GPX4: variants seen among roughly 807,000 people sequenced by gnomAD.
GPX4 encodes phospholipid hydroperoxide glutathione peroxidase GPX4.
Under a neutral mutation model 27.8 loss-of-function variants are expected in GPX4, and 28 were observed. The observed-to-expected ratio is 1.01, with a 90% CI of 0.75 to 1.38. The LOEUF is 1.38. GPX4 is among the 40% of genes most tolerant of loss of function. The pLI, the probability that GPX4 is intolerant of heterozygous loss-of-function variation, is 0.00. For missense variants in GPX4, 357 were observed against 274.1 expected (o/e 1.30, Z -2.14); for synonymous variants, 163 against 107.8 (o/e 1.51, Z -3.17).
intron 4 of GPX4, 184 bp from the exon 5 acceptor site, chr19:1,106,058 G>GACCTGCCCCACTATTTCTAGCTCCACAA: frequency 1.4e-6 from 1 of 693,470 alleles, no homozygotes; most frequent in Admixed American, 2.9e-5. Flanking sequence ...GGCCTGTGGG[G>GACCTGCCCCACTATTTCTAGCTCCACAA]GGCTGTTGGG....
At chr19:1,105,833 C>A in intron 4 of GPX4, 24 bp downstream of exon 4, 2 of 429,342 alleles carry the variant, frequency 4.7e-6, no homozygotes, top group Non-Finnish European at 8.2e-6. Flanking sequence ...GGGGACAGTA[C>A]GGCTGCTGGG....
In GPX4 at chr19:1,106,669, C is replaced by T; in HGVS notation, c.*97C>T. ...CCTGCCTGCAAACCTGCTGGTGGGG[C>T]AGACCCGAAAATCCAGCGTGCACCC... On this transcript the variant is annotated 3_prime_UTR_variant, in exon 7 of 7. Coordinates refer to ENST00000354171, the MANE Select transcript of GPX4 (RefSeq NM_002085.5). The T allele has an allele frequency of 1.9e-6, 3 of 1,540,022 alleles. No homozygotes were observed. Among genetic ancestry groups the T allele is most frequent in the Non-Finnish European group, 2.7e-6 (3 of 1,131,564 alleles).
intron 1 of GPX4, chr19:1,104,378 C>G (rs1200106102): frequency 4.7e-6 from 2 of 422,134 alleles, no homozygotes; most frequent in Admixed American, 4.6e-5. Context: ...GTTCCACGCG[C>G]GCGGGTCGTG....
At position 1,105,394 on chromosome 19, in the gene GPX4, G is replaced by C; in HGVS notation, c.208G>C (p.Ala70Pro). Residue 70 changes from alanine to proline, a missense_variant, in exon 3 of 7, where the codon GCC (alanine) becomes CCC (proline). Ala to Pro is a conservative substitution (Grantham distance 27). Transcript: ENST00000354171. ...RGFVCIVTNVASQUGKTEVNY... is the reference protein window; with the variant it reads ...RGFVCIVTNVPSQUGKTEVNY... ...CTTCGTGTGCATCGTCACCAACGTG[G>C]CCTCCCAGTGAGGCAAGACCGAAGT... The C allele has an allele frequency of 6.2e-7, 1 of 1,610,650 alleles. No homozygotes were observed. The highest frequency in any genetic ancestry group is 8.5e-7 in the Non-Finnish European group (1 of 1,178,138).
chr19:1,106,740 C>G lies in GPX4; in HGVS notation c.*168C>G. The G allele has an allele frequency of 1.3e-6, 1 of 768,654 alleles. No homozygotes were observed. Among genetic ancestry groups the G allele is most frequent in the Middle Eastern group, 3.0e-4 (1 of 3,306 alleles). 47.6% of individuals were successfully genotyped at this position (768,654 alleles called of 1,614,324 possible). ...GCCTGCTGGGCTTGGCTCGGCGCCCCCACCCCTGGCTACCTTGTGGGAATA... is the reference window on the plus strand; with the variant it reads ...GCCTGCTGGGCTTGGCTCGGCGCCCGCACCCCTGGCTACCTTGTGGGAATA... On this transcript the variant is annotated 3_prime_UTR_variant, in exon 7 of 7. Coordinates refer to ENST00000354171, the MANE Select transcript of GPX4 (RefSeq NM_002085.5).
chr19:1,105,639 C>T lies in GPX4; in HGVS notation c.325-19C>T. On this transcript the variant is annotated intron_variant, in intron 3 of 6. Coordinates refer to ENST00000354171, the MANE Select transcript of GPX4 (RefSeq NM_002085.5). ...GGGGTGCCAGCCCCCGACTCACTCACACACCTTGGCCGCCACAGGAGCCAG... is the reference window on the plus strand; with the variant it reads ...GGGGTGCCAGCCCCCGACTCACTCATACACCTTGGCCGCCACAGGAGCCAG... 4 of 1,611,186 alleles carry T rather than the reference C, an allele frequency of 2.5e-6. No homozygotes were observed. Among genetic ancestry groups the T allele is most frequent in the Non-Finnish European group, 3.4e-6 (4 of 1,178,952 alleles).
At chr19:1,106,150 A>C in intron 4 of GPX4, 92 bp from the exon 5 acceptor site, 3 of 1,187,520 alleles carry the variant, frequency 2.5e-6, no homozygotes, top group Non-Finnish European at 3.5e-6. Context: ...CAGCCGGGGA[A>C]GCTCACACCC....
chr19:1,104,411 C>T, intron 1 of GPX4: 1 of 401,914 alleles, frequency 2.5e-6, no homozygotes, highest in Non-Finnish European at 4.3e-6. Context: ...GCCGTCCAGG[C>T]CGTTGCAGGC....
chr19:1,106,717 C>A lies in GPX4; in HGVS notation c.*145C>A, dbSNP rs541229619. 7.2e-5 allele frequency: 81 copies of A among 1,118,092 alleles called. No individual in the cohort carries two copies. The African/African-American group carries it at 1.2e-3, about 17-fold the overall frequency. The allele number at this position is 1,118,092 out of a possible 1,614,324, so 69.3% of individuals were successfully genotyped here. ...CCCCGCCGGAGGAAGGTCCCATGGC[C>A]TGCTGGGCTTGGCTCGGCGCCCCCA... On this transcript the variant is annotated 3_prime_UTR_variant, in exon 7 of 7. Coordinates refer to ENST00000354171, the MANE Select transcript of GPX4 (RefSeq NM_002085.5).
intron 3 of GPX4, 51 bp from the exon 4 acceptor site, chr19:1,105,607 G>C (rs560512083): frequency 1.2e-5 from 20 of 1,600,148 alleles, no homozygotes; most frequent in Non-Finnish European, 1.5e-5. Flanking sequence ...AGGGGGCCCG[G>C]ACTGAGGGGG....
At position 1,104,078 on chromosome 19, in the gene GPX4, C is replaced by G. The variant is rs945018469; in HGVS notation, c.35C>G (p.Pro12Arg). The G allele has an allele frequency of 6.6e-6, 10 of 1,518,582 alleles. No homozygotes were observed. The highest frequency in any genetic ancestry group is 2.3e-4 in the Middle Eastern group (1 of 4,342). 94.1% of individuals were successfully genotyped at this position (1,518,582 alleles called of 1,614,324 possible). A position where few individuals can be genotyped will look rare whatever the true frequency, so the allele number is the denominator to read the frequency against. Residue 12 changes from proline to arginine, a missense_variant, in exon 1 of 7, where the codon CCG becomes CGG. Transcript: ENST00000354171. ...GGCCGCCTTTGCCGCCTACTGAAGCCGGCGCTGCTCTGTGGGGCTCTGGCC... is the reference window on the plus strand; with the variant it reads ...GGCCGCCTTTGCCGCCTACTGAAGCGGGCGCTGCTCTGTGGGGCTCTGGCC... Reference protein sequence around the residue: ...SLGRLCRLLKPALLCGALAAP... With the variant: ...SLGRLCRLLKRALLCGALAAP...
chr19:1,106,186 C>T (rs1448869562), intron 4 of GPX4, 56 bp from the exon 5 acceptor site: 7 of 1,523,446 alleles, frequency 4.6e-6, no homozygotes, highest in Non-Finnish European at 6.2e-6. Context: ...GACAGGACAG[C>T]TTGGGGACTG....
At chr19:1,105,014 G>T in intron 1 of GPX4, 172 bp from the exon 2 acceptor site, 1 of 1,461,788 alleles carries the variant, frequency 6.8e-7, no homozygotes, top group East Asian at 2.5e-5. Flanking sequence ...CGGTAAAACC[G>T]GACCAGAAGT....
chr19:1,106,044 C>T (rs555583226), intron 4 of GPX4, 198 bp from the exon 5 acceptor site: 63 of 614,740 alleles, frequency 1.0e-4, no homozygotes, highest in African/African-American at 9.3e-4. Context: ...CAGGATGGCT[C>T]GGGGGCCTGT....
intron 1 of GPX4, chr19:1,104,630 C>T (rs2079625964): frequency 2.0e-6 from 2 of 985,128 alleles, no homozygotes; most frequent in Admixed American, 6.2e-5. Flanking sequence ...TGGCCTAGCG[C>T]GGTGGCGTCA....
Position 1,104,258 on chromosome 19 carries a change from C to T in GPX4, c.84+131C>T, listed in dbSNP as rs1173464800. ...GGTGGGGGGCGTCTGGGGGCTCCCC[C>T]TCCCCACCCCCGGCCGGGCACGGAC... On this transcript the variant is annotated intron_variant, in intron 1 of 6. Transcript: ENST00000354171. The T allele has an allele frequency of 7.6e-6, 6 of 786,762 alleles. No individual in the cohort carries two copies. In the Admixed American group the frequency reaches 1.3e-4, roughly 17 times the overall value. The allele number at this position is 786,762 out of a possible 1,614,324, so 48.7% of individuals were successfully genotyped here.
chr19:1,106,418 G>C lies in GPX4; in HGVS notation c.520G>C (p.Gly174Arg). The change falls in exon 6 of 7, where the codon GGC becomes CGC. Residue 174 changes from glycine to arginine, a missense_variant. Transcript: ENST00000354171. ...TCCACAGTTCCTCATCGACAAGAAC[G>C]GCTGCGTGGTGAAGCGCTACGGACC... Reference protein sequence around the residue: ...NFTKFLIDKNGCVVKRYGPME... With the variant: ...NFTKFLIDKNRCVVKRYGPME... 6 of 1,613,474 alleles carry C rather than the reference G, an allele frequency of 3.7e-6. No homozygotes were observed. The highest frequency in any genetic ancestry group is 5.1e-6 in the Non-Finnish European group (6 of 1,179,930).
At chr19:1,104,276 G>A in intron 1 of GPX4, 149 bp downstream of exon 1, 1 of 699,576 alleles carries the variant, frequency 1.4e-6, no homozygotes, top group Non-Finnish European at 2.1e-6. Context: ...CCCCGGCCGG[G>A]CACGGACGCG....
Position 1,106,671 on chromosome 19 carries a change from G to A in GPX4, c.*99G>A, listed in dbSNP as rs753017630. ...TGCCTGCAAACCTGCTGGTGGGGCA[G>A]ACCCGAAAATCCAGCGTGCACCCCG... On this transcript the variant is annotated 3_prime_UTR_variant, in exon 7 of 7. Transcript: ENST00000354171. The A allele has an allele frequency of 2.6e-6, 4 of 1,537,164 alleles. No homozygotes were observed. The highest frequency in any genetic ancestry group is 2.7e-5 in the African/African-American group (2 of 72,886).
Sources: allele counts gnomAD v4.1 joint callset, GRCh38; gene constraint gnomAD v4.1.1; transcripts MANE v1.5; gene names NCBI Gene and HGNC (gene_info 2026-07-23, HGNC 2026-07-21).